EYA2: variants seen among roughly 807,000 people sequenced by gnomAD.
EYA2 encodes EYA transcriptional coactivator and phosphatase 2.
EYA2 carries 31 observed loss-of-function variants against 69.2 expected under a neutral mutation model. The observed-to-expected ratio is 0.45, with a 90% CI of 0.34 to 0.60. EYA2 has a LOEUF of 0.60. Among genes scored for constraint, EYA2 ranks in the 20% least tolerant of loss-of-function variants. EYA2 has a pLI of 0.02. For synonymous variants in EYA2, 257 were observed against 279.4 expected (o/e 0.92, Z 0.80); for missense variants, 622 against 701.2 (o/e 0.89, Z 1.28).
intron 5 of EYA2, among the ~76,000 whole-genome samples, chr20:47,019,793 A>G (rs7267692): frequency 0.25 from 37,651 of 149,710 alleles, 4,913 homozygotes; most frequent in South Asian, 0.32. Context: ...AACCTGGTGA[A>G]ACCCATCTCT....
intron 2 of EYA2, among the ~76,000 whole-genome samples, chr20:46,991,047 G>A (rs536323569): frequency 1.3e-5 from 2 of 152,306 alleles, no homozygotes; most frequent in South Asian, 4.1e-4. Flanking sequence ...CAGTGGCTTG[G>A]GCTCTCATGC....
intron 4 of EYA2, among the ~76,000 whole-genome samples, chr20:47,011,601 C>T (rs1014619415): frequency 6.6e-6 from 1 of 152,144 alleles, no homozygotes; most frequent in Non-Finnish European, 1.5e-5. Context: ...GACCTTTGCA[C>T]ATGCCTTCCC....
intron 2 of EYA2, among the ~76,000 whole-genome samples, chr20:46,992,880 G>T (rs1483884770): frequency 6.6e-6 from 1 of 152,156 alleles, no homozygotes; most frequent in African/African-American, 2.4e-5. Context: ...TGACCCCCAA[G>T]TGCTGGATTA....
intron 1 of EYA2, among the ~76,000 whole-genome samples, chr20:46,933,410 G>T (rs754588056): frequency 2.0e-5 from 3 of 152,168 alleles, no homozygotes; most frequent in South Asian, 2.1e-4. Context: ...CACAGATCTG[G>T]CCCATAAGGA....
intron 1 of EYA2, among the ~76,000 whole-genome samples, chr20:46,961,867 G>GAAT (rs1036545944): frequency 3.3e-5 from 5 of 152,342 alleles, no homozygotes; most frequent in Admixed American, 3.3e-4. Flanking sequence ...TAGAGGCTGA[G>GAAT]AATGGTGCAG....
At chr20:47,045,790 A>T (rs892200731) in intron 5 of EYA2, among the ~76,000 whole-genome samples, 2 of 152,210 alleles carry the variant, frequency 1.3e-5, no homozygotes, top group African/African-American at 4.8e-5. Flanking sequence ...GTGTTAGGGT[A>T]TATTTCCAGC....
intron 1 of EYA2, among the ~76,000 whole-genome samples, chr20:46,906,765 G>A (rs1233283518): frequency 1.3e-5 from 2 of 152,102 alleles, no homozygotes; most frequent in African/African-American, 4.8e-5. Context: ...TGGGAGTATG[G>A]TTCTAGAGTT....
At chr20:47,053,541 C>T (rs1433003175) in intron 5 of EYA2, among the ~76,000 whole-genome samples, 1 of 151,646 alleles carries the variant, frequency 6.6e-6, no homozygotes, top group Non-Finnish European at 1.5e-5. Flanking sequence ...GTGGCGCATG[C>T]CTGTAGTCTC....
chr20:46,991,982 A>AAAAC (rs1981697006), intron 2 of EYA2, among the ~76,000 whole-genome samples: 1 of 137,554 alleles, frequency 7.3e-6, no homozygotes, highest in Non-Finnish European at 1.6e-5. Context: ...AAAAAAAAAA[A>AAAAC]AAAACGCTGA....
chr20:46,948,414 T>C lies in EYA2; in HGVS notation c.-10-41587T>C, dbSNP rs572167990. On this transcript the variant is annotated intron_variant, in intron 1 of 15. Transcript: ENST00000327619. ...TGCCAACCCTGGTCTACTCTATTTC[T>C]TTTTTGAAAAACACTGGTCACAGCT... Among the ~76,000 whole-genome samples, 193 of 152,308 alleles carry C rather than the reference T, an allele frequency of 1.3e-3. 1 individual carries two copies. The highest frequency in any genetic ancestry group is 4.1e-3 in the African/African-American group (170 of 41,564).
chr20:46,917,633 G>A (rs979909482), intron 1 of EYA2, among the ~76,000 whole-genome samples: 3 of 152,190 alleles, frequency 2.0e-5, no homozygotes, highest in African/African-American at 7.2e-5. Context: ...AGCAAGTCAC[G>A]TGAATTTTTT....
At chr20:47,087,230 A>G (rs938792316) in intron 7 of EYA2, among the ~76,000 whole-genome samples, 1 of 152,192 alleles carries the variant, frequency 6.6e-6, no homozygotes, top group Non-Finnish European at 1.5e-5. Flanking sequence ...AAAGGGAAAT[A>G]GTTCTTTCAG....
At chr20:47,087,282 G>T (rs901397167) in intron 7 of EYA2, among the ~76,000 whole-genome samples, 3 of 152,206 alleles carry the variant, frequency 2.0e-5, no homozygotes, top group Non-Finnish European at 2.9e-5. Context: ...TTTAGACAAA[G>T]GATTTTCCCC....
In EYA2 at chr20:47,179,857, C is replaced by G. The variant is rs372843941; in HGVS notation, c.1258C>G (p.Leu420Val). Residue 420 changes from leucine to valine, a missense_variant, in exon 13 of 16, where the codon CTC (leucine) becomes GTC (valine). Transcript: ENST00000327619. The stretch of plus-strand genomic sequence containing the variant: ...ACAGCTCCGAGCTGAGCTGGAAGCT[C>G]TCACAGACCTCTGGCTGACCCACTC... ...WLQLRAELEA[L>V]TDLWLTHSLK... 6.2e-7 allele frequency: 1 copy of G among 1,614,012 alleles called. No individual in the cohort carries two copies. Among genetic ancestry groups the G allele is most frequent in the Non-Finnish European group, 8.5e-7 (1 of 1,180,022 alleles).
chr20:46,931,741 G>T (rs1285082453), intron 1 of EYA2, among the ~76,000 whole-genome samples: 5 of 152,090 alleles, frequency 3.3e-5, no homozygotes, highest in Non-Finnish European at 1.5e-5. Context: ...AAGCCCAGGG[G>T]TTGTAATTCA....
chr20:47,069,713 A>G (rs929611584), intron 5 of EYA2, among the ~76,000 whole-genome samples: 2 of 152,114 alleles, frequency 1.3e-5, no homozygotes, highest in Non-Finnish European at 2.9e-5. Flanking sequence ...CATCTCATGT[A>G]CCCCATAAAT....
At chr20:46,986,328 CTATA>C (rs982665824) in intron 1 of EYA2, among the ~76,000 whole-genome samples, 4 of 121,886 alleles carry the variant, frequency 3.3e-5, no homozygotes, top group Non-Finnish European at 7.2e-5. Flanking sequence ...TATAATATCT[CTATA>C]TATCTAATGT....
chr20:47,021,496 A>T (rs1020341965), intron 5 of EYA2, among the ~76,000 whole-genome samples: 4 of 152,040 alleles, frequency 2.6e-5, no homozygotes, highest in African/African-American at 9.7e-5. Context: ...GTGTGGTGGC[A>T]CACACCTGCA....
chr20:46,965,480 G>C (rs1346364192), intron 1 of EYA2, among the ~76,000 whole-genome samples: 1 of 152,250 alleles, frequency 6.6e-6, no homozygotes, highest in Non-Finnish European at 1.5e-5. Context: ...CAAAGGTGGG[G>C]GGTTGGAGGG....
Sources: allele counts gnomAD v4.1 joint callset (sites outside exome capture counted in the v4.1 genomes callset), GRCh38; gene constraint gnomAD v4.1.1; transcripts MANE v1.5; gene names NCBI Gene and HGNC (gene_info 2026-07-23, HGNC 2026-07-21).